Variants in MYO5B observed in about 807,000 individuals in gnomAD.
MYO5B encodes myosin VB.
Under a neutral mutation model 229.3 loss-of-function variants are expected in MYO5B, and 143 were observed. The observed-to-expected ratio is 0.62, with a 90% confidence interval of 0.54 to 0.72. The LOEUF (loss-of-function observed/expected upper bound fraction) is 0.72. Ranked by LOEUF, MYO5B falls within the 30% of genes least tolerant of loss-of-function variation. The pLI, the probability that MYO5B is intolerant of heterozygous loss-of-function variation, is 0.00. For synonymous variants in MYO5B, 918 were observed against 885.2 expected, an observed-to-expected ratio of 1.04 and a Z score of -0.66; for missense variants, 2,321 against 2,331.0, an observed-to-expected ratio of 1.00 and a Z score of 0.09.
intron 1 of MYO5B, among the ~76,000 whole-genome samples, chr18:50,184,986 G>T (rs796851953): frequency 2.5e-4 from 38 of 151,930 alleles, no homozygotes; most frequent in African/African-American, 8.4e-4. Flanking sequence ...GAGGTGGGAG[G>T]ATTGCTTGAG....
intron 1 of MYO5B, among the ~76,000 whole-genome samples, chr18:50,150,364 C>T (rs1418875015): frequency 6.9e-6 from 1 of 145,792 alleles, no homozygotes; most frequent in East Asian, 2.0e-4. Flanking sequence ...AATCATGCTG[C>T]TATAAAGACA....
At chr18:49,879,339 G>C (rs1444207085) in intron 23 of MYO5B, 1 of 522,872 alleles carries the variant, frequency 1.9e-6, no homozygotes, top group East Asian at 3.6e-5. Context: ...GGCAGCGTAG[G>C]TGAGAATTCC....
At chr18:50,136,139 A>G (rs544370877) in intron 1 of MYO5B, among the ~76,000 whole-genome samples, 3 of 152,202 alleles carry the variant, frequency 2.0e-5, no homozygotes, top group East Asian at 1.9e-4. Context: ...TGGCCGGCTA[A>G]TTCAGGAGCT....
At chr18:49,930,372 C>T (rs969675682) in intron 16 of MYO5B, among the ~76,000 whole-genome samples, 1 of 152,150 alleles carries the variant, frequency 6.6e-6, no homozygotes, top group African/African-American at 2.4e-5. Context: ...CATTTTCAAC[C>T]ACTCACATGT....
intron 21 of MYO5B, among the ~76,000 whole-genome samples, chr18:49,896,744 C>T (rs1288347702): frequency 6.6e-6 from 1 of 152,064 alleles, no homozygotes; most frequent in Non-Finnish European, 1.5e-5. Context: ...ATGATGTATC[C>T]AGGAGGCCCA....
At chr18:50,040,039 C>T in intron 3 of MYO5B, 104 bp downstream of exon 3, 2 of 1,294,432 alleles carry the variant, frequency 1.5e-6, no homozygotes, top group Admixed American at 1.7e-5. Flanking sequence ...GAGATACTTA[C>T]AAATGAGAGA....
At chr18:50,163,461 G>A (rs1483745969) in intron 1 of MYO5B, among the ~76,000 whole-genome samples, 1 of 152,136 alleles carries the variant, frequency 6.6e-6, no homozygotes, top group Non-Finnish European at 1.5e-5. Flanking sequence ...TACCTGTCAC[G>A]TTAAGGAAGA....
chr18:50,055,128 A>T, intron 2 of MYO5B, 140 bp downstream of exon 2: 1 of 668,692 alleles, frequency 1.5e-6, no homozygotes, highest in Non-Finnish European at 2.6e-6. Flanking sequence ...CAATAGCAAC[A>T]AGAAAGAATC....
At chr18:50,106,154 C>T (rs902891120) in intron 1 of MYO5B, among the ~76,000 whole-genome samples, 4 of 152,088 alleles carry the variant, frequency 2.6e-5, no homozygotes, top group South Asian at 2.1e-4. Context: ...CCCTCTACCT[C>T]GTTAATTCAC....
In MYO5B at chr18:49,837,869, A is replaced by G. The variant is rs180877792; in HGVS notation, c.4853-67T>C. Reference sequence around the variant, plus strand: ...AACAATGCAAAGATTGGACCACTCAAATCATTTAGTGCTCCGGGCTTTAGC... The same window carrying G: ...AACAATGCAAAGATTGGACCACTCAGATCATTTAGTGCTCCGGGCTTTAGC... On this transcript the variant is annotated intron_variant, in intron 36 of 39. Transcript: ENST00000285039. 111 of 1,569,996 alleles carry G rather than the reference A, an allele frequency of 7.1e-5. No individual in the cohort carries two copies. The African/African-American group carries it at 1.1e-3, about 15-fold the overall frequency.
At chr18:49,861,676 C>T (rs1254610309) in intron 29 of MYO5B, among the ~76,000 whole-genome samples, 2 of 148,420 alleles carry the variant, frequency 1.3e-5, no homozygotes, top group African/African-American at 4.8e-5. Flanking sequence ...ACTGCCCCAG[C>T]CTGAGTCAGG....
intron 1 of MYO5B, among the ~76,000 whole-genome samples, chr18:50,118,519 C>G (rs969218380): frequency 6.6e-6 from 1 of 152,112 alleles, no homozygotes; most frequent in Admixed American, 6.5e-5. Context: ...TGGTGTGGGA[C>G]TCAATTTGCA....
At chr18:50,055,757 A>G in intron 1 of MYO5B, among the ~76,000 whole-genome samples, 1 of 152,130 alleles carries the variant, frequency 6.6e-6, no homozygotes, top group East Asian at 1.9e-4. Context: ...AACACAGGGA[A>G]AAGCCAAGAC....
chr18:50,126,820 G>A (rs2032171629), intron 1 of MYO5B, among the ~76,000 whole-genome samples: 1 of 152,166 alleles, frequency 6.6e-6, no homozygotes, highest in South Asian at 2.1e-4. Flanking sequence ...TTGAATCCCA[G>A]CCCTGCTGCT....
At chr18:49,906,339 G>A in intron 19 of MYO5B, 80 bp downstream of exon 19, 3 of 1,406,744 alleles carry the variant, frequency 2.1e-6, no homozygotes, top group Non-Finnish European at 3.0e-6. Context: ...GAGGAAGAGA[G>A]AAGCCAAGTA....
Position 50,074,667 on chromosome 18 carries a change from T to C in MYO5B, c.28-19289A>G, listed in dbSNP as rs77823902. ...AACATCGCCTTCCTTGAAGAGCTTT[T>C]CCCGACCAACTAATGTAAAAACAGG... On this transcript the variant is annotated intron_variant, in intron 1 of 39. Transcript: ENST00000285039. Among the ~76,000 whole-genome samples the C allele has an allele frequency of 1.4e-3, 212 of 152,296 alleles. No homozygotes were observed. The East Asian group carries it at 0.036, about 26-fold the overall frequency.
chr18:49,957,142 C>CAAAATAAAAAAAA (rs2025501771), intron 12 of MYO5B, among the ~76,000 whole-genome samples: 1 of 58,736 alleles, frequency 1.7e-5, no homozygotes, highest in African/African-American at 7.9e-5. Flanking sequence ...AATAAAGTAG[C>CAAAATAAAAAAAA]AAAAAAAAAA....
intron 27 of MYO5B, among the ~76,000 whole-genome samples, chr18:49,866,235 A>AT (rs1388373185): frequency 6.1e-3 from 881 of 144,494 alleles, no homozygotes; most frequent in Non-Finnish European, 8.6e-3. Flanking sequence ...CGCCTGGCTA[A>AT]TTTTTTTTTT....
Position 49,853,531 on chromosome 18 carries a change from CAGA to C in MYO5B, c.4136_4138del (p.Phe1379del), listed in dbSNP as rs2024226577. ...CTCTGGGGAGAGCAGTAGCGTCTGGCAGAAGGTCTGCTGCTGTTTGTCCATCTC... is the reference window on the plus strand; with the variant it reads ...CTCTGGGGAGAGCAGTAGCGTCTGGCAGGTCTGCTGCTGTTTGTCCATCTC... On this transcript the variant is annotated inframe_deletion, in exon 31 of 40. Coordinates refer to ENST00000285039, the MANE Select transcript of MYO5B (RefSeq NM_001080467.3). 6.2e-7 allele frequency: 1 copy of C among 1,614,050 alleles called. No individual in the cohort carries two copies. Among genetic ancestry groups the C allele is most frequent in the African/African-American group, 1.3e-5 (1 of 74,932 alleles).
Sources: gnomAD v4.1 joint callset for allele counts (sites outside exome capture counted in the v4.1 genomes callset) on GRCh38, gnomAD v4.1.1 for gene constraint, MANE v1.5 for transcripts, NCBI Gene and HGNC (gene_info 2026-07-23, HGNC 2026-07-21) for gene names.